SLC10A7: variants seen among roughly 807,000 people sequenced by gnomAD.
SLC10A7 encodes sodium/bile acid cotransporter 7.
A neutral mutation model predicts 43.2 loss-of-function variants in SLC10A7; 29 were observed. The observed-to-expected ratio is 0.67, with a 90% confidence interval of 0.50 to 0.92. The LOEUF is 0.92. Among genes scored for constraint, SLC10A7 ranks in the 40% least tolerant of loss-of-function variants. The pLI, the probability that SLC10A7 is intolerant of heterozygous loss-of-function variation, is 0.00. For synonymous variants in SLC10A7, 152 were observed against 144.8 expected (o/e 1.05, Z -0.35); for missense variants, 295 against 403.2 (o/e 0.73, Z 2.30).
At chr4:146,299,681 G>A (rs568760897) in intron 7 of SLC10A7, among the ~76,000 whole-genome samples, 95 of 152,232 alleles carry the variant, frequency 6.2e-4, no homozygotes, top group African/African-American at 2.0e-3. Flanking sequence ...GAGGTAAAAG[G>A]GACTTGAAGA....
At chr4:146,309,365 G>A (rs947647287) in intron 6 of SLC10A7, among the ~76,000 whole-genome samples, 2 of 152,144 alleles carry the variant, frequency 1.3e-5, no homozygotes, top group African/African-American at 4.8e-5. Flanking sequence ...ATCTAGGGCA[G>A]TGGTTCTCAA....
rs184949016 is a variant in SLC10A7, at chr4:146,307,996, G to C, written c.472-1987C>G. On this transcript the variant is annotated intron_variant, in intron 6 of 11. Coordinates refer to ENST00000335472, the MANE Select transcript of SLC10A7 (RefSeq NM_001029998.6). Reference sequence around the variant, plus strand: ...GGCATATTCAATGTTTGGAAACCGCGTGTTCTTAGAAGACAGTAGAACAAG... The same window carrying C: ...GGCATATTCAATGTTTGGAAACCGCCTGTTCTTAGAAGACAGTAGAACAAG... Among the ~76,000 whole-genome samples, 194 of 152,252 alleles carry C rather than the reference G, an allele frequency of 1.3e-3. 2 individuals carry two copies. The highest frequency in any genetic ancestry group is 4.4e-3 in the African/African-American group (184 of 41,550).
chr4:146,474,095 C>T (rs1733826757), intron 4 of SLC10A7, among the ~76,000 whole-genome samples: 1 of 148,992 alleles, frequency 6.7e-6, no homozygotes. Flanking sequence ...GAAAGTTGTT[C>T]TTTACTAAAC....
intron 7 of SLC10A7, among the ~76,000 whole-genome samples, chr4:146,294,878 T>C (rs1315627304): frequency 6.6e-6 from 1 of 152,214 alleles, no homozygotes; most frequent in Non-Finnish European, 1.5e-5. Context: ...TGAACCACTC[T>C]ACTTAAAACA....
intron 4 of SLC10A7, among the ~76,000 whole-genome samples, chr4:146,487,351 C>T (rs1735010360): frequency 6.6e-6 from 1 of 152,182 alleles, no homozygotes; most frequent in African/African-American, 2.4e-5. Context: ...CATTACCAAC[C>T]TCTGTGAAAA....
chr4:146,320,695 C>G (rs1560795023), intron 6 of SLC10A7, among the ~76,000 whole-genome samples: 1 of 152,016 alleles, frequency 6.6e-6, no homozygotes, highest in African/African-American at 2.4e-5. Flanking sequence ...TACCAAGAAT[C>G]TTTAAAGCAT....
intron 5 of SLC10A7, chr4:146,441,962 A>G (rs1730635788): frequency 1.0e-6 from 1 of 981,844 alleles, no homozygotes; most frequent in South Asian, 4.7e-5. Context: ...TAGTTTATAC[A>G]TCACTGATTT....
chr4:146,261,815 T>C (rs768426485), intron 10 of SLC10A7, among the ~76,000 whole-genome samples: 2 of 152,226 alleles, frequency 1.3e-5, no homozygotes, highest in Non-Finnish European at 2.9e-5. Flanking sequence ...GAGGTCATGG[T>C]CCAAGTCTCT....
At chr4:146,509,622 T>A (rs1223434268) in intron 3 of SLC10A7, among the ~76,000 whole-genome samples, 9 of 152,228 alleles carry the variant, frequency 5.9e-5, no homozygotes, top group African/African-American at 2.2e-4. Flanking sequence ...ATACAGATCT[T>A]ACATCTGCTA....
intron 4 of SLC10A7, among the ~76,000 whole-genome samples, chr4:146,466,285 G>T (rs1733026103): frequency 6.6e-6 from 1 of 152,104 alleles, no homozygotes; most frequent in African/African-American, 2.4e-5. Context: ...GTATAGTACT[G>T]AAGACTTTAT....
chr4:146,380,806 G>A (rs887375728), intron 5 of SLC10A7, among the ~76,000 whole-genome samples: 25 of 151,516 alleles, frequency 1.6e-4, no homozygotes, highest in African/African-American at 6.1e-4. Flanking sequence ...CATTATAGAG[G>A]GAATAAAGTA....
rs181472313 is a variant in SLC10A7, at chr4:146,482,348, T to C, written c.396+21501A>G. ...GGAAACTCAGCAAGATATAAAAGAATACAGATAGACAATTTAATGAAATCA... is the reference window on the plus strand; with the variant it reads ...GGAAACTCAGCAAGATATAAAAGAACACAGATAGACAATTTAATGAAATCA... On this transcript the variant is annotated intron_variant, in intron 4 of 11. Coordinates refer to ENST00000335472, the MANE Select transcript of SLC10A7 (RefSeq NM_001029998.6). 3.9e-5 allele frequency among the ~76,000 whole-genome samples: 6 copies of C among 152,190 alleles called. No homozygotes were observed. The East Asian group carries it at 9.7e-4, about 24-fold the overall frequency.
chr4:146,417,472 C>T (rs1728657223), intron 5 of SLC10A7, among the ~76,000 whole-genome samples: 1 of 152,104 alleles, frequency 6.6e-6, no homozygotes, highest in East Asian at 1.9e-4. Flanking sequence ...ACTCTCATCT[C>T]CAGGGTGAAC....
chr4:146,356,152 C>A (rs1735610558), intron 5 of SLC10A7, among the ~76,000 whole-genome samples: 1 of 151,030 alleles, frequency 6.6e-6, no homozygotes, highest in South Asian at 2.1e-4. Flanking sequence ...TTTTGGCTCT[C>A]ATGCATACTT....
chr4:146,321,789 T>C (rs1053881580), intron 6 of SLC10A7, among the ~76,000 whole-genome samples: 1 of 152,152 alleles, frequency 6.6e-6, no homozygotes, highest in Admixed American at 6.6e-5. Flanking sequence ...GCTCAGTAAA[T>C]GAGTTCTTGC....
At chr4:146,328,707 C>T (rs1004746311) in intron 5 of SLC10A7, among the ~76,000 whole-genome samples, 6 of 152,176 alleles carry the variant, frequency 3.9e-5, no homozygotes, top group Non-Finnish European at 8.8e-5. Flanking sequence ...ACAACAGACA[C>T]CACTGAGCTG....
intron 5 of SLC10A7, among the ~76,000 whole-genome samples, chr4:146,395,364 T>C (rs776612029): frequency 1.3e-5 from 2 of 152,150 alleles, no homozygotes; most frequent in Non-Finnish European, 2.9e-5. Context: ...CACTACATTC[T>C]AGGTAACAGA....
At chr4:146,298,261 G>A (rs141190341) in intron 7 of SLC10A7, among the ~76,000 whole-genome samples, 248 of 152,282 alleles carry the variant, frequency 1.6e-3, no homozygotes, top group African/African-American at 5.7e-3. Flanking sequence ...CTATTCTTAT[G>A]TCCAAGTCTC....
At chr4:146,446,068 G>C (rs979187397) in intron 4 of SLC10A7, among the ~76,000 whole-genome samples, 22 of 152,080 alleles carry the variant, frequency 1.4e-4, no homozygotes, top group Non-Finnish European at 2.8e-4. Context: ...AGGCTTGAGG[G>C]TGGAGCTCTC....
Sources: gnomAD v4.1 joint callset for allele counts (sites outside exome capture counted in the v4.1 genomes callset) on GRCh38, gnomAD v4.1.1 for gene constraint, MANE v1.5 for transcripts, NCBI Gene and HGNC (gene_info 2026-07-23, HGNC 2026-07-21) for gene names.